LAMA4: variants seen among roughly 807,000 people sequenced by gnomAD.
The protein encoded by LAMA4 is laminin subunit alpha-4.
LAMA4 carries 127 observed loss-of-function variants against 207.1 expected under a neutral mutation model. The observed-to-expected ratio is 0.61, with a 90% confidence interval of 0.53 to 0.71. The LOEUF (loss-of-function observed/expected upper bound fraction) is 0.71. LAMA4 is among the 30% of genes least tolerant of loss of function. The pLI is 0.00. For synonymous variants in LAMA4, 761 were observed against 816.0 expected (o/e 0.93, Z 1.15); for missense variants, 2,093 against 2,246.5 (o/e 0.93, Z 1.38).
chr6:112,254,007 A>G lies in LAMA4; in HGVS notation c.144T>C (p.Pro48=). The change falls in exon 2 of 39, where the codon CCT becomes CCC. Residue 48 remains proline (P), a synonymous_variant. Transcript: ENST00000230538. The stretch of plus-strand genomic sequence containing the variant: ...GAGCCACGCGGGGTTCGCTCGTCTC[A>G]GGCGGGTCTTGCCTGCCAACCGCTG... ...GSSAVGRQDP[P]ETSEPRVALG... is the part of the protein sequence containing the mutation. The G allele has an allele frequency of 6.3e-7, 1 of 1,588,346 alleles. No individual in the cohort carries two copies. The highest frequency in any genetic ancestry group is 8.6e-7 in the Non-Finnish European group (1 of 1,166,770).
At chr6:112,142,687 C>T (rs964246380) in intron 19 of LAMA4, among the ~76,000 whole-genome samples, 13 of 152,168 alleles carry the variant, frequency 8.5e-5, no homozygotes, top group African/African-American at 3.1e-4. Context: ...ACTAATACAG[C>T]TGGGACTTTG....
rs781941165 is a variant in LAMA4 at position 112,216,317 on chromosome 6, G to T, written c.297+51C>A. 7 of 1,177,886 alleles carry T rather than the reference G, an allele frequency of 5.9e-6. No homozygotes were observed. In the African/African-American group the frequency reaches 1.1e-4, roughly 18 times the overall value. The allele number at this position is 1,177,886 out of a possible 1,614,324, so 73.0% of individuals were successfully genotyped here. ...CGAAAAATATTTTATCTTCACCCAA[G>T]ATGCAAATGCCCAGTGAAGTACGTG... On this transcript the variant is annotated intron_variant, in intron 3 of 38. Transcript: ENST00000230538.
At chr6:112,231,524 T>C (rs1020224123) in intron 2 of LAMA4, among the ~76,000 whole-genome samples, 8 of 151,780 alleles carry the variant, frequency 5.3e-5, no homozygotes, top group African/African-American at 1.9e-4. Flanking sequence ...ACGAAGCAAA[T>C]AATGCAGATC....
At position 112,170,285 on chromosome 6, in the gene LAMA4, TC is replaced by T. The variant is rs57445996; in HGVS notation, c.1551+2325del. 2.8e-3 allele frequency among the ~76,000 whole-genome samples: 429 copies of T among 152,344 alleles called. 4 individuals carry two copies. The highest frequency in any genetic ancestry group is 0.013 in the South Asian group (64 of 4,822). ...GCACAGCTGTGGTCTGGATGGGATC[TC>T]CTGCAGGCCATTGCTTGCCCTTGTC... On this transcript the variant is annotated intron_variant, in intron 12 of 38. Coordinates refer to ENST00000230538, the MANE Select transcript of LAMA4 (RefSeq NM_001105206.3).
intron 13 of LAMA4, 69 bp downstream of exon 13, chr6:112,165,091 T>C: frequency 3.6e-6 from 3 of 839,688 alleles, no homozygotes; most frequent in South Asian, 2.7e-5. Context: ...TTATTATTAT[T>C]CTGTGACACT....
At chr6:112,174,766 C>T (rs1490137405) in intron 11 of LAMA4, among the ~76,000 whole-genome samples, 4 of 152,244 alleles carry the variant, frequency 2.6e-5, no homozygotes, top group Non-Finnish European at 5.9e-5. Flanking sequence ...GCTGGGATTA[C>T]AGGCATGAGC....
At chr6:112,143,993 C>G (rs1779863954) in intron 19 of LAMA4, among the ~76,000 whole-genome samples, 1 of 152,192 alleles carries the variant, frequency 6.6e-6, no homozygotes, top group South Asian at 2.1e-4. Flanking sequence ...TGATTTCTAA[C>G]TCTTCTTTCT....
At chr6:112,200,248 A>G (rs1229302549) in intron 5 of LAMA4, 1 of 489,026 alleles carries the variant, frequency 2.0e-6, no homozygotes, top group South Asian at 1.6e-5. Flanking sequence ...TTTCAAAAGA[A>G]GACATTTATG....
In LAMA4 at chr6:112,175,390, A is replaced by T; in HGVS notation, c.1280T>A (p.Leu427His). 2 of 1,614,144 alleles carry T rather than the reference A, an allele frequency of 1.2e-6. 1 individual carries two copies. Among genetic ancestry groups the T allele is most frequent in the South Asian group, 2.2e-5 (2 of 91,074 alleles). The change falls in exon 11 of 39, where the codon CTT becomes CAT. Residue 427 changes from leucine to histidine, a missense_variant. By Grantham distance (99) the Leu-to-His change is moderately conservative (BLOSUM62 -3). Coordinates refer to ENST00000230538, the MANE Select transcript of LAMA4 (RefSeq NM_001105206.3). ...SEKLVLAQKM[L>H]EEIRSRQPFF... ...TGGTTGACGGCTTCTAATCTCTTCAAGCATCTTCTGGGCCAACACCAGCTT... is the reference window on the plus strand; with the variant it reads ...TGGTTGACGGCTTCTAATCTCTTCATGCATCTTCTGGGCCAACACCAGCTT...
chr6:112,215,865 C>A (rs1467918577), intron 3 of LAMA4, among the ~76,000 whole-genome samples: 1 of 152,170 alleles, frequency 6.6e-6, no homozygotes, highest in Non-Finnish European at 1.5e-5. Flanking sequence ...GCAAAGACCA[C>A]AAGGGCAAAG....
rs782809573 is a variant in LAMA4 at position 112,139,211 on chromosome 6, G to T, written c.3191C>A (p.Thr1064Lys). Reference protein sequence around the residue: ...GSGYAVVRDITRRGKFGQVTR... With the variant: ...GSGYAVVRDIKRRGKFGQVTR... ...CACCTGACCAAATTTCCCTCTCCTT[G>T]TGATGTCTCTCACCACGGCATAACC... Residue 1064 changes from threonine (T) to lysine (K), a missense_variant, in exon 24 of 39, where the codon ACA becomes AAA. Coordinates refer to ENST00000230538, the MANE Select transcript of LAMA4 (RefSeq NM_001105206.3). The T allele has an allele frequency of 1.2e-6, 2 of 1,614,140 alleles. No homozygotes were observed. Among genetic ancestry groups the T allele is most frequent in the South Asian group, 2.2e-5 (2 of 91,080 alleles).
At chr6:112,205,824 G>A (rs1784026926) in intron 4 of LAMA4, among the ~76,000 whole-genome samples, 1 of 151,976 alleles carries the variant, frequency 6.6e-6, no homozygotes, top group South Asian at 2.1e-4. Flanking sequence ...CTCCAGGGAG[G>A]AGAGGCTGGA....
chr6:112,109,254 G>A lies in LAMA4; in HGVS notation c.*183C>T. The A allele has an allele frequency of 1.4e-6, 1 of 699,962 alleles. No individual in the cohort carries two copies. Among genetic ancestry groups the A allele is most frequent in the East Asian group, 2.8e-5 (1 of 36,352 alleles). 43.4% of individuals were successfully genotyped at this position (699,962 alleles called of 1,614,324 possible). On this transcript the variant is annotated 3_prime_UTR_variant, in exon 39 of 39. Transcript: ENST00000230538. ...ATTGTTGTCCATTGCAGACACTTTGGATTCAAGGTTAAGAATCCAAATGAG... is the reference window on the plus strand; with the variant it reads ...ATTGTTGTCCATTGCAGACACTTTGAATTCAAGGTTAAGAATCCAAATGAG...
intron 2 of LAMA4, among the ~76,000 whole-genome samples, chr6:112,226,969 T>C (rs1284305688): frequency 6.6e-6 from 1 of 151,982 alleles, no homozygotes; most frequent in Non-Finnish European, 1.5e-5. Context: ...GAAATAGGAA[T>C]CTGAGAAATC....
chr6:112,165,043 T>C lies in LAMA4; in HGVS notation c.1668+117A>G, dbSNP rs146957221. ...CAAGAAACTAAAACATTCAGTCATC[T>C]GATCTTTATAATGCCTGCTCACTGG... On this transcript the variant is annotated intron_variant, in intron 13 of 38. Transcript: ENST00000230538. 6,051 of 767,302 alleles carry C rather than the reference T, an allele frequency of 7.9e-3. 48 individuals carry two copies. The highest frequency in any genetic ancestry group is 0.012 in the South Asian group (847 of 72,352). The allele number at this position is 767,302 out of a possible 1,614,324, so 47.5% of individuals were successfully genotyped here. A position where few individuals can be genotyped will look rare whatever the true frequency, so the allele number is the denominator to read the frequency against.
chr6:112,152,471 T>TA (rs1403979459), intron 16 of LAMA4, among the ~76,000 whole-genome samples: 2 of 152,134 alleles, frequency 1.3e-5, no homozygotes, highest in African/African-American at 4.8e-5. Flanking sequence ...GATCATGATG[T>TA]AATTACCTCA....
chr6:112,123,780 TA>T (rs1324384684), intron 31 of LAMA4, among the ~76,000 whole-genome samples: 2 of 152,198 alleles, frequency 1.3e-5, no homozygotes, highest in African/African-American at 4.8e-5. Flanking sequence ...TCTCATGTCC[TA>T]AAGGAAAGCC....
At chr6:112,181,649 C>G (rs1450983014) in intron 9 of LAMA4, among the ~76,000 whole-genome samples, 2 of 152,192 alleles carry the variant, frequency 1.3e-5, no homozygotes, top group African/African-American at 2.4e-5. Flanking sequence ...AAATATTTCA[C>G]TATTTCTTCC....
intron 2 of LAMA4, among the ~76,000 whole-genome samples, chr6:112,242,448 T>A (rs182242620): frequency 5.3e-5 from 8 of 152,334 alleles, no homozygotes; most frequent in Admixed American, 5.2e-4. Flanking sequence ...ATTTGCAATT[T>A]CCCCTACATC....
Sources: gnomAD v4.1 joint callset for allele counts (sites outside exome capture counted in the v4.1 genomes callset) on GRCh38, gnomAD v4.1.1 for gene constraint, MANE v1.5 for transcripts, NCBI Gene and HGNC (gene_info 2026-07-23, HGNC 2026-07-21) for gene names.